The following KDM7A variants were observed in gnomAD, a reference collection of about 807,000 sequenced individuals.
KDM7A encodes lysine-specific demethylase 7A.
KDM7A carries 28 observed loss-of-function variants against 114.8 expected under a neutral mutation model. The observed-to-expected ratio is 0.24, with a 90% CI of 0.18 to 0.33. The LOEUF (loss-of-function observed/expected upper bound fraction) is 0.33. Among genes scored for constraint, KDM7A ranks in the 10% least tolerant of loss-of-function variants. The probability of loss-of-function intolerance (pLI) is 1.00; values close to 1 mark genes in which losing one functional copy is unlikely to be tolerated. For synonymous variants in KDM7A, 423 were observed against 397.8 expected (o/e 1.06, Z -0.75); for missense variants, 942 against 1,142.5 (o/e 0.82, Z 2.53).
intron 1 of KDM7A, among the ~76,000 whole-genome samples, chr7:140,175,578 G>A (rs1452661961): frequency 6.6e-6 from 1 of 152,218 alleles, no homozygotes; most frequent in African/African-American, 2.4e-5. Flanking sequence ...ACCCCAACTA[G>A]TTTCTTTGTT....
intron 2 of KDM7A, among the ~76,000 whole-genome samples, chr7:140,134,531 G>T (rs1196088635): frequency 6.6e-6 from 1 of 151,776 alleles, no homozygotes; most frequent in Admixed American, 6.6e-5. Context: ...CTTGTGTGTT[G>T]TATCAATGTA....
chr7:140,157,005 A>AATAGGAAT (rs1218078817), intron 1 of KDM7A, among the ~76,000 whole-genome samples: 1 of 152,228 alleles, frequency 6.6e-6, no homozygotes, highest in Non-Finnish European at 1.5e-5. Context: ...ATAAACACTG[A>AATAGGAAT]ATAGGAATAT....
At chr7:140,136,812 C>G (rs979512621) in intron 2 of KDM7A, among the ~76,000 whole-genome samples, 1 of 152,046 alleles carries the variant, frequency 6.6e-6, no homozygotes. Flanking sequence ...CATGGTGAAA[C>G]TCTGTCTCTA....
chr7:140,106,866 G>C (rs1433306155), intron 11 of KDM7A, among the ~76,000 whole-genome samples: 2 of 152,140 alleles, frequency 1.3e-5, no homozygotes, highest in Non-Finnish European at 2.9e-5. Context: ...TCGTTGATCT[G>C]TCTAATGTTG....
chr7:140,138,511 T>A (rs1272637640), intron 2 of KDM7A, among the ~76,000 whole-genome samples: 2 of 152,100 alleles, frequency 1.3e-5, no homozygotes, highest in East Asian at 3.9e-4. Flanking sequence ...CTCTCCCTTC[T>A]TAGGAAGAAG....
rs1337334720 is a variant in KDM7A, at chr7:140,098,789, A to C, written c.1918+90T>G. 9 of 1,162,202 alleles carry C rather than the reference A, an allele frequency of 7.7e-6. No individual in the cohort carries two copies. The African/African-American group carries it at 1.4e-4, about 18-fold the overall frequency. 72.0% of individuals were successfully genotyped at this position (1,162,202 alleles called of 1,614,324 possible). On this transcript the variant is annotated intron_variant, in intron 14 of 19. Coordinates refer to ENST00000397560, the MANE Select transcript of KDM7A (RefSeq NM_030647.2). ...GACACAAAAGTTTTCTGCTATTTTAAACTTAAGAACTTCAAAATTAGCAAG... is the reference window on the plus strand; with the variant it reads ...GACACAAAAGTTTTCTGCTATTTTACACTTAAGAACTTCAAAATTAGCAAG...
In KDM7A at chr7:140,176,674, C is replaced by A; in HGVS notation, c.194+70G>T. On this transcript the variant is annotated intron_variant, in intron 1 of 19. Transcript: ENST00000397560. The surrounding 1 kb of genome is among the most constrained non-coding windows in gnomAD (Gnocchi z 4.4). ...CGGCCCGGCCCGAGGGAGGCGCGGG[C>A]GGCCGGCGGCGGCGGCGGTTGGTCG... 1 of 1,020,440 alleles carries A rather than the reference C, an allele frequency of 9.8e-7. No individual in the cohort carries two copies. The highest frequency in any genetic ancestry group is 1.2e-6 in the Non-Finnish European group (1 of 842,564). The allele number at this position is 1,020,440 out of a possible 1,614,324, so 63.2% of individuals were successfully genotyped here.
chr7:140,119,488 A>G (rs751410498), intron 8 of KDM7A, among the ~76,000 whole-genome samples: 4 of 152,232 alleles, frequency 2.6e-5, no homozygotes, highest in Non-Finnish European at 4.4e-5. Context: ...GGTTTTAACA[A>G]AAGACATTTT....
At chr7:140,144,284 T>C (rs1454156426) in intron 1 of KDM7A, among the ~76,000 whole-genome samples, 2 of 152,196 alleles carry the variant, frequency 1.3e-5, no homozygotes, top group Admixed American at 1.3e-4. Context: ...ACAAATAGTA[T>C]GAGACAACAT....
chr7:140,156,125 T>C (rs1415283147), intron 1 of KDM7A, among the ~76,000 whole-genome samples: 1 of 152,150 alleles, frequency 6.6e-6, no homozygotes, highest in African/African-American at 2.4e-5. Context: ...AAGGGAGAAA[T>C]AAGACAGCAA....
chr7:140,169,089 T>C (rs933457692), intron 1 of KDM7A, among the ~76,000 whole-genome samples: 1 of 152,202 alleles, frequency 6.6e-6, no homozygotes, highest in Non-Finnish European at 1.5e-5. Context: ...GACCTTGGTT[T>C]CTAACACTAT....
In KDM7A at chr7:140,133,614, A is replaced by T; in HGVS notation, c.323T>A (p.Ile108Asn). ...TTGCACTGGTTTGGAACCATCATCA[A>T]TTTCTGTGTAGTCATGTCTGTGCCA... ...RNWHRHDYTE[I>N]DDGSKPVQAG... is the part of the protein sequence containing the mutation. Residue 108 changes from isoleucine to asparagine, a missense_variant, in exon 3 of 20, where the codon ATT becomes AAT. Coordinates refer to ENST00000397560, the MANE Select transcript of KDM7A (RefSeq NM_030647.2). The T allele has an allele frequency of 6.2e-7, 1 of 1,612,510 alleles. No homozygotes were observed. Among genetic ancestry groups the T allele is most frequent in the Non-Finnish European group, 8.5e-7 (1 of 1,178,754 alleles).
chr7:140,157,355 A>G (rs1794468575), intron 1 of KDM7A, among the ~76,000 whole-genome samples: 1 of 152,230 alleles, frequency 6.6e-6, no homozygotes, highest in Non-Finnish European at 1.5e-5. Context: ...AGACTACACC[A>G]TTATGTGAAA....
chr7:140,114,645 G>A (rs1210342619), intron 9 of KDM7A, among the ~76,000 whole-genome samples: 2 of 152,122 alleles, frequency 1.3e-5, no homozygotes, highest in African/African-American at 4.8e-5. Flanking sequence ...TGGGATGTGA[G>A]GAGCCCCTCT....
At chr7:140,155,593 T>G (rs1249304792) in intron 1 of KDM7A, among the ~76,000 whole-genome samples, 2 of 152,194 alleles carry the variant, frequency 1.3e-5, no homozygotes, top group Non-Finnish European at 2.9e-5. Flanking sequence ...ACATCTTGTT[T>G]TGCTCTAGTT....
At chr7:140,100,735 TATATATACA>T (rs1562946151) in intron 12 of KDM7A, among the ~76,000 whole-genome samples, 7 of 51,638 alleles carry the variant, frequency 1.4e-4, no homozygotes, top group African/African-American at 4.3e-4. Flanking sequence ...TATATATATA[TATATATACA>T]TATATATTTT....
intron 6 of KDM7A, 51 bp from the exon 7 acceptor site, chr7:140,124,834 A>T: frequency 9.1e-7 from 1 of 1,099,674 alleles, no homozygotes; most frequent in Non-Finnish European, 1.3e-6. Flanking sequence ...CATACTTAGG[A>T]TAGCCTACAT....
At chr7:140,169,175 G>A (rs61283330) in intron 1 of KDM7A, among the ~76,000 whole-genome samples, 10,576 of 152,074 alleles carry the variant, frequency 0.07, 414 homozygotes, top group Non-Finnish European at 0.09. Context: ...TCAACCTACA[G>A]TTAATGGGAA....
Position 140,133,556 on chromosome 7 carries a change from G to A in KDM7A, c.381C>T (p.Arg127=). The change falls in exon 3 of 20, where the codon CGC becomes CGT. Residue 127 remains arginine, a synonymous_variant. Coordinates refer to ENST00000397560, the MANE Select transcript of KDM7A (RefSeq NM_030647.2). The part of the protein sequence containing the change: ...AGTRTFIKEL[R]SRVFPSADEI... ...TTCCATACCTTGGGAAGACTCGAGA[G>A]CGTAATTCCTTAATGAAAGTTCTAG... The A allele has an allele frequency of 6.3e-7, 1 of 1,592,830 alleles. No homozygotes were observed. Among genetic ancestry groups the A allele is most frequent in the Non-Finnish European group, 8.6e-7 (1 of 1,161,114 alleles).
Sources: gnomAD v4.1 joint callset for allele counts (sites outside exome capture counted in the v4.1 genomes callset) on GRCh38, gnomAD v4.1.1 for gene constraint, Gnocchi (gnomAD v3.1) non-coding constraint, MANE v1.5 for transcripts, NCBI Gene and HGNC (gene_info 2026-07-23, HGNC 2026-07-21) for gene names.